ALAS1: variants seen among roughly 807,000 people sequenced by gnomAD.
ALAS1 encodes 5-aminolevulinate synthase, non-specific, mitochondrial.
A neutral mutation model predicts 59.6 loss-of-function variants in ALAS1; 29 were observed. That is an observed-to-expected ratio of 0.49 (90% CI 0.36 to 0.66). The LOEUF is 0.66. Among genes scored for constraint, ALAS1 ranks in the 30% least tolerant of loss-of-function variants. The probability of loss-of-function intolerance (pLI) is 0.00; values close to 1 mark genes in which losing one functional copy is unlikely to be tolerated. For missense variants in ALAS1, 690 were observed against 807.5 expected, an observed-to-expected ratio of 0.85 and a Z score of 1.76; for synonymous variants, 299 against 296.6, an observed-to-expected ratio of 1.01 and a Z score of -0.08.
In ALAS1 at chr3:52,211,195, A is replaced by T. The variant is rs1699397701; in HGVS notation, c.1331-88A>T. The T allele has an allele frequency of 2.8e-6, 4 of 1,452,684 alleles. No homozygotes were observed. In the African/African-American group the frequency reaches 5.6e-5, roughly 20 times the overall value. 90.0% of individuals were successfully genotyped at this position (1,452,684 alleles called of 1,614,324 possible). A position where few individuals can be genotyped will look rare whatever the true frequency, so the allele number is the denominator to read the frequency against. ...AATTAAAAAGATAAGGAGAAAAGTC[A>T]GTGCTTTGAGGCTCCACAACACCTT... On this transcript the variant is annotated intron_variant, in intron 9 of 11. Coordinates refer to ENST00000484952, the MANE Select transcript of ALAS1 (RefSeq NM_000688.6).
At chr3:52,202,819 A>T in intron 4 of ALAS1, 85 bp downstream of exon 4, 1 of 1,280,872 alleles carries the variant, frequency 7.8e-7, no homozygotes, top group Non-Finnish European at 1.1e-6. Flanking sequence ...ATGAGCTATT[A>T]TTAGGGCAGT....
In ALAS1 at chr3:52,214,286, GTAAAAACATAGT is replaced by G; in HGVS notation, c.*107_*118del. 1 of 1,068,588 alleles carries G rather than the reference GTAAAAACATAGT, an allele frequency of 9.4e-7. No homozygotes were observed. The highest frequency in any genetic ancestry group is 1.3e-6 in the Non-Finnish European group (1 of 767,322). The allele number at this position is 1,068,588 out of a possible 1,614,324, so 66.2% of individuals were successfully genotyped here. On this transcript the variant is annotated 3_prime_UTR_variant, in exon 12 of 12. Coordinates refer to ENST00000484952, the MANE Select transcript of ALAS1 (RefSeq NM_000688.6). Reference sequence around the variant, plus strand: ...AAGTTATATTAAATTTTAATCTATAGTAAAAACATAGTCCTGGAAATAAATTCTTGCTTAAAT... The same window carrying G: ...AAGTTATATTAAATTTTAATCTATAGCCTGGAAATAAATTCTTGCTTAAAT...
At chr3:52,198,300 G>A (rs2107257666) in intron 1 of ALAS1, 45 bp downstream of exon 1, 2 of 404,908 alleles carry the variant, frequency 4.9e-6, no homozygotes, top group South Asian at 1.1e-4. Flanking sequence ...AGGAAGCCCC[G>A]GGGTGTCCTG....
intron 4 of ALAS1, among the ~76,000 whole-genome samples, chr3:52,203,451 G>T (rs1013461838): frequency 6.6e-6 from 1 of 152,112 alleles, no homozygotes; most frequent in Non-Finnish European, 1.5e-5. Context: ...TGAGGAGGGA[G>T]GATCGCTTGA....
In ALAS1 at chr3:52,206,758, G is replaced by A. The variant is rs542761051; in HGVS notation, c.1165+7G>A. 4.3e-6 allele frequency: 7 copies of A among 1,611,534 alleles called. No individual in the cohort carries two copies. The Admixed American group carries it at 1.0e-4, about 23-fold the overall frequency. On this transcript the variant is annotated splice_region_variant and intron_variant, in intron 8 of 11. Coordinates refer to ENST00000484952, the MANE Select transcript of ALAS1 (RefSeq NM_000688.6). The stretch of plus-strand genomic sequence containing the variant: ...ACTGTCCATTCAATGGATGGTAAGT[G>A]TGGATAGAGGTTCCTCTGAAACCTA...
intron 3 of ALAS1, among the ~76,000 whole-genome samples, chr3:52,200,195 C>T (rs1464407968): frequency 3.3e-5 from 5 of 151,946 alleles, no homozygotes; most frequent in Non-Finnish European, 7.4e-5. Context: ...AGAAAAATTA[C>T]CATTTTAAGC....
At chr3:52,203,750 T>C (rs1699237680) in intron 4 of ALAS1, 113 bp from the exon 5 acceptor site, 4 of 1,234,810 alleles carry the variant, frequency 3.2e-6, no homozygotes, top group Admixed American at 5.2e-5. Flanking sequence ...TTGGTTATGC[T>C]TGGCCTTTTT....
chr3:52,199,325 C>G lies in ALAS1; in HGVS notation c.84C>G (p.Phe28Leu), dbSNP rs750459005. 3 of 1,614,208 alleles carry G rather than the reference C, an allele frequency of 1.9e-6. No individual in the cohort carries two copies. Among genetic ancestry groups the G allele is most frequent in the Non-Finnish European group, 2.5e-6 (3 of 1,180,032 alleles). ...AGAAAGCAGGCAAATCTCTGTTGTT[C>G]TATGCCCAAAACTGCCCCAAGATGA... ...FLQKAGKSLL[F>L]YAQNCPKMME... Residue 28 changes from phenylalanine to leucine, a missense_variant, in exon 3 of 12, where the codon TTC (phenylalanine) becomes TTG (leucine). Phe to Leu is a conservative substitution (Grantham distance 22). Coordinates refer to ENST00000484952, the MANE Select transcript of ALAS1 (RefSeq NM_000688.6).
chr3:52,207,212 C>T (rs192613297), intron 8 of ALAS1, among the ~76,000 whole-genome samples: 169 of 152,136 alleles, frequency 1.1e-3, no homozygotes, highest in Non-Finnish European at 1.7e-3. Context: ...ACCATGTTAG[C>T]TAGGATGGTC....
intron 11 of ALAS1, among the ~76,000 whole-genome samples, chr3:52,213,732 C>T (rs1267940860): frequency 6.6e-6 from 1 of 152,226 alleles, no homozygotes; most frequent in Non-Finnish European, 1.5e-5. Context: ...ATCATACCGC[C>T]TGTGCTCCTT....
chr3:52,204,597 C>T (rs1255362753), intron 5 of ALAS1, 96 bp from the exon 6 acceptor site: 4 of 966,874 alleles, frequency 4.1e-6, no homozygotes, highest in Non-Finnish European at 6.3e-6. Flanking sequence ...TGCCCAGGAT[C>T]TCCCTCAGTT....
chr3:52,203,780 C>A, intron 4 of ALAS1, 83 bp from the exon 5 acceptor site: 2 of 1,455,808 alleles, frequency 1.4e-6, no homozygotes, highest in African/African-American at 1.4e-5. Context: ...GGCCATAAGC[C>A]ATTTTTGACA....
Position 52,199,105 on chromosome 3 carries a change from A to G in ALAS1, c.-32-105A>G. On this transcript the variant is annotated intron_variant, in intron 2 of 11. Coordinates refer to ENST00000484952, the MANE Select transcript of ALAS1 (RefSeq NM_000688.6). ...GCATTTTTGAGGGAGAAGTGTTAGT[A>G]TTCCAGGGTACCCTTTATATAAACT... 3.4e-6 allele frequency: 4 copies of G among 1,174,698 alleles called. No individual in the cohort carries two copies. In the South Asian group the frequency reaches 5.8e-5, roughly 17 times the overall value. The allele number at this position is 1,174,698 out of a possible 1,614,324, so 72.8% of individuals were successfully genotyped here.
In ALAS1 at chr3:52,204,777, CTG is replaced by C. The variant is rs775968319; in HGVS notation, c.665_666del (p.Val222GlufsTer12). On this transcript the variant is annotated frameshift_variant, in exon 6 of 12. Transcript: ENST00000484952. LOFTEE classifies it high-confidence loss of function. Reference sequence around the variant, plus strand: ...GACCACACCTATCGAGTTTTTAAAACTGTGAACCGGCGAGCACACATCTTCCC... The same window carrying C: ...GACCACACCTATCGAGTTTTTAAAACTGAACCGGCGAGCACACATCTTCCC... The C allele has an allele frequency of 1.9e-6, 3 of 1,614,142 alleles. No homozygotes were observed. The highest frequency in any genetic ancestry group is 1.7e-6 in the Non-Finnish European group (2 of 1,180,032).
rs1034419273 is a variant in ALAS1, at chr3:52,211,329, T to G, written c.1377T>G (p.Ser459=). The change falls in exon 10 of 12, where the codon TCT becomes TCG. Residue 459 remains serine, a synonymous_variant. Coordinates refer to ENST00000484952, the MANE Select transcript of ALAS1 (RefSeq NM_000688.6). ...GAGGGTACATCGCCAGCACGAGTTC[T>G]CTGATTGACACCGTACGGTCCTATG... The part of the protein sequence containing the change: ...CVGGYIASTS[S]LIDTVRSYAA... 2 of 1,614,200 alleles carry G rather than the reference T, an allele frequency of 1.2e-6. No individual in the cohort carries two copies. Among genetic ancestry groups the G allele is most frequent in the Non-Finnish European group, 1.7e-6 (2 of 1,180,038 alleles).
chr3:52,207,721 G>T (rs73084608), intron 8 of ALAS1, among the ~76,000 whole-genome samples: 1 of 152,282 alleles, frequency 6.6e-6, no homozygotes, highest in Non-Finnish European at 1.5e-5. Flanking sequence ...ACTTATAAGT[G>T]AGAGCGATAT....
intron 8 of ALAS1, among the ~76,000 whole-genome samples, chr3:52,207,511 G>T (rs1361936499): frequency 6.6e-6 from 1 of 151,868 alleles, no homozygotes; most frequent in Non-Finnish European, 1.5e-5. Context: ...GGTTCAGTGG[G>T]TACATGTGCG....
At chr3:52,206,801 T>C (rs757085526) in intron 8 of ALAS1, 50 bp downstream of exon 8, 2 of 1,564,096 alleles carry the variant, frequency 1.3e-6, no homozygotes, top group South Asian at 2.3e-5. Flanking sequence ...AAACTATGCC[T>C]GAACTCTTTA....
chr3:52,199,378 G>C lies in ALAS1; in HGVS notation c.137G>C (p.Arg46Pro). Reference sequence around the variant, plus strand: ...GAAGTTGGGGCCAAGCCAGCCCCTCGGGCATTGTCCACTGCAGCAGTACAC... The same window carrying C: ...GAAGTTGGGGCCAAGCCAGCCCCTCCGGCATTGTCCACTGCAGCAGTACAC... ...MMEVGAKPAPRALSTAAVHYQ... is the reference protein window; with the variant it reads ...MMEVGAKPAPPALSTAAVHYQ... The change falls in exon 3 of 12, where the codon CGG (arginine) becomes CCG (proline). Residue 46 changes from arginine (R) to proline (P), a missense_variant. Physicochemically the swap from Arg to Pro is moderately radical, Grantham distance 103 (BLOSUM62 -2). Coordinates refer to ENST00000484952, the MANE Select transcript of ALAS1 (RefSeq NM_000688.6). 3 of 1,614,148 alleles carry C rather than the reference G, an allele frequency of 1.9e-6. No individual in the cohort carries two copies. The highest frequency in any genetic ancestry group is 1.7e-6 in the Non-Finnish European group (2 of 1,180,040).
Sources: allele counts gnomAD v4.1 joint callset (sites outside exome capture counted in the v4.1 genomes callset), GRCh38; gene constraint gnomAD v4.1.1; transcripts MANE v1.5; gene names NCBI Gene and HGNC (gene_info 2026-07-23, HGNC 2026-07-21).